RAPGEF4: variants seen among roughly 807,000 people sequenced by gnomAD.
RAPGEF4 encodes Rap guanine nucleotide exchange factor 4, also known as RAP guanine-nucleotide-exchange factor (GEF) 4.
A neutral mutation model predicts 147.9 loss-of-function variants in RAPGEF4; 66 were observed. That is an observed-to-expected ratio of 0.45 (90% CI 0.37 to 0.55). The LOEUF is 0.55. Ranked by LOEUF, RAPGEF4 falls within the 20% of genes least tolerant of loss-of-function variation. The probability of loss-of-function intolerance (pLI) is 0.00; values close to 1 mark genes in which losing one functional copy is unlikely to be tolerated. For synonymous variants in RAPGEF4, 419 were observed against 442.7 expected (o/e 0.95, Z 0.67); for missense variants, 1,071 against 1,257.3 (o/e 0.85, Z 2.24).
chr2:172,755,351 A>C (rs1695670560), intron 1 of RAPGEF4, among the ~76,000 whole-genome samples: 1 of 152,206 alleles, frequency 6.6e-6, no homozygotes. Context: ...TAGAAAAGTA[A>C]CACAAATTGA....
At chr2:172,848,905 C>T (rs1255723707) in intron 4 of RAPGEF4, among the ~76,000 whole-genome samples, 1 of 151,664 alleles carries the variant, frequency 6.6e-6, no homozygotes, top group African/African-American at 2.4e-5. Context: ...AGTTAGAAGG[C>T]TCAATTAGTG....
chr2:172,824,363 G>T (rs924768833), intron 4 of RAPGEF4, among the ~76,000 whole-genome samples: 3 of 152,224 alleles, frequency 2.0e-5, no homozygotes, highest in African/African-American at 7.2e-5. Context: ...CCCTTCAGCA[G>T]TGGGTTTTGG....
chr2:172,820,979 A>G (rs567212804), intron 4 of RAPGEF4, among the ~76,000 whole-genome samples: 42 of 152,368 alleles, frequency 2.8e-4, no homozygotes, highest in Non-Finnish European at 5.7e-4. Context: ...TTGAAGCAAC[A>G]GCAGCTTAGT....
intron 4 of RAPGEF4, among the ~76,000 whole-genome samples, chr2:172,855,310 T>C (rs1693293097): frequency 1.3e-5 from 2 of 152,210 alleles, no homozygotes; most frequent in Admixed American, 1.3e-4. Flanking sequence ...ATACTGAACC[T>C]GGAAATGGTA....
chr2:172,741,775 G>A (rs754998116), intron 1 of RAPGEF4, among the ~76,000 whole-genome samples: 1 of 152,316 alleles, frequency 6.6e-6, no homozygotes, highest in African/African-American at 2.4e-5. Context: ...GGGTTCAAAC[G>A]ATCCTCCTGC....
At chr2:172,854,252 A>G (rs1296950322) in intron 4 of RAPGEF4, among the ~76,000 whole-genome samples, 1 of 151,594 alleles carries the variant, frequency 6.6e-6, no homozygotes, top group Non-Finnish European at 1.5e-5. Context: ...GCTTTTTAAC[A>G]TTTTGTTATT....
intron 30 of RAPGEF4, 119 bp downstream of exon 30, chr2:173,048,773 G>T: frequency 2.0e-6 from 3 of 1,509,854 alleles, no homozygotes; most frequent in Non-Finnish European, 2.7e-6. Context: ...AGACACTTTG[G>T]ACCATGAATT....
intron 29 of RAPGEF4, 152 bp from the exon 30 acceptor site, chr2:173,048,448 A>C: frequency 7.0e-7 from 1 of 1,434,560 alleles, no homozygotes. Flanking sequence ...TAAACAAGTT[A>C]TACATCAGCT....
At chr2:172,745,890 A>C (rs1325895400) in intron 1 of RAPGEF4, among the ~76,000 whole-genome samples, 2 of 152,214 alleles carry the variant, frequency 1.3e-5, no homozygotes, top group Admixed American at 6.5e-5. Flanking sequence ...AGTGAGTTTC[A>C]CAGGCTCTTT....
At chr2:172,917,257 C>A (rs1684166740) in intron 4 of RAPGEF4, among the ~76,000 whole-genome samples, 1 of 152,178 alleles carries the variant, frequency 6.6e-6, no homozygotes, top group South Asian at 2.1e-4. Context: ...TGACACATAG[C>A]AAAAGTTCTT....
chr2:172,804,309 A>G (rs531324024), intron 3 of RAPGEF4, among the ~76,000 whole-genome samples: 1 of 152,336 alleles, frequency 6.6e-6, no homozygotes, highest in East Asian at 1.9e-4. Flanking sequence ...CTAGGTTAAA[A>G]AACACACAGC....
rs1684152993 is a variant in RAPGEF4, at chr2:172,917,104, C to G, written c.445-698C>G. 7.9e-5 allele frequency among the ~76,000 whole-genome samples: 12 copies of G among 152,314 alleles called. No homozygotes were observed. The South Asian group carries it at 2.3e-3, about 29-fold the overall frequency. On this transcript the variant is annotated intron_variant, in intron 4 of 30. Transcript: ENST00000397081. ...CTAGATGGCTTTATTCTCACCAAGC[C>G]TTATCCCTCCTAAACAGCACAGACT...
At chr2:172,750,529 T>G (rs1695186519) in intron 1 of RAPGEF4, among the ~76,000 whole-genome samples, 1 of 151,930 alleles carries the variant, frequency 6.6e-6, no homozygotes, top group Admixed American at 6.6e-5. Context: ...CCGCAACACA[T>G]AGGGATTATG....
chr2:172,980,453 A>G (rs1463867843), intron 10 of RAPGEF4, among the ~76,000 whole-genome samples: 1 of 152,076 alleles, frequency 6.6e-6, no homozygotes, highest in Non-Finnish European at 1.5e-5. Context: ...TGAACACAAT[A>G]CAAGGGATGG....
intron 25 of RAPGEF4, among the ~76,000 whole-genome samples, chr2:173,028,117 A>T (rs957163913): frequency 6.6e-6 from 1 of 152,214 alleles, no homozygotes; most frequent in African/African-American, 2.4e-5. Context: ...CATTTTATAG[A>T]TATCAGTTTG....
At chr2:172,793,965 G>A (rs1248882213) in intron 1 of RAPGEF4, among the ~76,000 whole-genome samples, 1 of 151,462 alleles carries the variant, frequency 6.6e-6, no homozygotes, top group African/African-American at 2.4e-5. Flanking sequence ...ATGAAACCCC[G>A]CCAGTACAAA....
chr2:172,743,925 A>G (rs924511888), intron 1 of RAPGEF4, among the ~76,000 whole-genome samples: 3 of 152,202 alleles, frequency 2.0e-5, no homozygotes, highest in Non-Finnish European at 4.4e-5. Flanking sequence ...TTTTGTGAAG[A>G]AAAAAGCCCT....
At chr2:172,865,946 GT>G (rs931920113) in intron 4 of RAPGEF4, among the ~76,000 whole-genome samples, 1 of 152,020 alleles carries the variant, frequency 6.6e-6, no homozygotes, top group Non-Finnish European at 1.5e-5. Flanking sequence ...GATAGAAGAG[GT>G]TTTTCCTCCC....
At chr2:173,005,185 A>G (rs1051328497) in intron 17 of RAPGEF4, among the ~76,000 whole-genome samples, 3 of 152,000 alleles carry the variant, frequency 2.0e-5, no homozygotes, top group Admixed American at 6.6e-5. Context: ...ATCTTTGCTC[A>G]TGTATATGAA....
Sources: gnomAD v4.1 joint callset for allele counts (sites outside exome capture counted in the v4.1 genomes callset) on GRCh38, gnomAD v4.1.1 for gene constraint, MANE v1.5 for transcripts, NCBI Gene and HGNC (gene_info 2026-07-23, HGNC 2026-07-21) for gene names.